The following BBX variants were observed in gnomAD, a reference collection of about 807,000 sequenced individuals.
BBX encodes BBX high mobility group box domain containing, also known as HMG box transcription factor BBX.
Under a neutral mutation model 100.2 loss-of-function variants are expected in BBX, and 30 were observed. That is an observed-to-expected ratio of 0.30 (90% CI 0.22 to 0.41). The LOEUF (loss-of-function observed/expected upper bound fraction) is 0.41, where lower values mean the gene tolerates loss of function less well. Among genes scored for constraint, BBX ranks in the 10% least tolerant of loss-of-function variants. BBX has a pLI of 1.00. For synonymous variants in BBX, 376 were observed against 388.1 expected, an observed-to-expected ratio of 0.97 and a Z score of 0.37; for missense variants, 1,023 against 1,129.8, an observed-to-expected ratio of 0.91 and a Z score of 1.35.
chr3:107,736,229 T>A (rs1391389184), intron 7 of BBX, among the ~76,000 whole-genome samples: 1 of 151,912 alleles, frequency 6.6e-6, no homozygotes, highest in Non-Finnish European at 1.5e-5. Flanking sequence ...AATAACCCCA[T>A]AATAATAAAG....
chr3:107,738,832 C>T (rs891984820), intron 7 of BBX, among the ~76,000 whole-genome samples: 1 of 152,184 alleles, frequency 6.6e-6, no homozygotes, highest in African/African-American at 2.4e-5. Flanking sequence ...TTGAGTATCT[C>T]ATTCTCTCAA....
intron 2 of BBX, among the ~76,000 whole-genome samples, chr3:107,590,529 A>G (rs1432426901): frequency 6.6e-6 from 1 of 152,178 alleles, no homozygotes; most frequent in East Asian, 1.9e-4. Context: ...GATCCTTCTC[A>G]GTCTCTGGTA....
At chr3:107,545,055 A>G (rs2049132585) in intron 2 of BBX, among the ~76,000 whole-genome samples, 1 of 152,058 alleles carries the variant, frequency 6.6e-6, no homozygotes, top group Non-Finnish European at 1.5e-5. Context: ...AGAAATTAAG[A>G]GAATACATTA....
At chr3:107,782,238 CA>C (rs1294786405) in intron 13 of BBX, among the ~76,000 whole-genome samples, 2 of 152,084 alleles carry the variant, frequency 1.3e-5, no homozygotes, top group African/African-American at 4.8e-5. Context: ...CTGATTGACT[CA>C]GAGAACTTAT....
At chr3:107,664,068 A>G (rs1233363447) in intron 3 of BBX, among the ~76,000 whole-genome samples, 4 of 152,090 alleles carry the variant, frequency 2.6e-5, no homozygotes, top group African/African-American at 9.7e-5. Flanking sequence ...GCCTCCCAAA[A>G]TGCTGGGCTT....
intron 3 of BBX, among the ~76,000 whole-genome samples, chr3:107,647,469 A>T (rs2057588441): frequency 6.6e-6 from 1 of 152,240 alleles, no homozygotes; most frequent in African/African-American, 2.4e-5. Context: ...GACTATAAGC[A>T]GAAATTGACA....
At chr3:107,564,065 CT>C (rs947930258) in intron 2 of BBX, among the ~76,000 whole-genome samples, 144 of 147,252 alleles carry the variant, frequency 9.8e-4, no homozygotes, top group African/African-American at 1.3e-3. Context: ...TATTATCAGA[CT>C]TTTTTTTTTT....
At chr3:107,533,821 C>T (rs2048319839) in intron 2 of BBX, among the ~76,000 whole-genome samples, 3 of 152,034 alleles carry the variant, frequency 2.0e-5, no homozygotes, top group South Asian at 4.1e-4. Flanking sequence ...GCTACCTGCA[C>T]ATTTTTTTTT....
chr3:107,741,033 T>C (rs1560075885), intron 7 of BBX, among the ~76,000 whole-genome samples: 1 of 150,568 alleles, frequency 6.6e-6, no homozygotes, highest in Non-Finnish European at 1.5e-5. Flanking sequence ...ATGTCATAGG[T>C]GCCTATTAAA....
chr3:107,725,642 T>A (rs2062868496), intron 5 of BBX, among the ~76,000 whole-genome samples: 1 of 152,100 alleles, frequency 6.6e-6, no homozygotes, highest in African/African-American at 2.4e-5. Flanking sequence ...AAAGGGTATT[T>A]GATGCCAATG....
intron 2 of BBX, among the ~76,000 whole-genome samples, chr3:107,604,911 G>A (rs150269826): frequency 5.3e-5 from 8 of 152,256 alleles, no homozygotes; most frequent in African/African-American, 9.6e-5. Context: ...TAGGCCCTTC[G>A]TTTGGAGCCA....
intron 3 of BBX, among the ~76,000 whole-genome samples, chr3:107,700,747 T>G (rs1247076770): frequency 6.6e-6 from 1 of 151,568 alleles, no homozygotes; most frequent in Non-Finnish European, 1.5e-5. Context: ...TTCATCCACG[T>G]CCCTACAAAG....
At chr3:107,557,995 A>G (rs924121470) in intron 2 of BBX, among the ~76,000 whole-genome samples, 3 of 152,244 alleles carry the variant, frequency 2.0e-5, no homozygotes, top group African/African-American at 7.2e-5. Flanking sequence ...AGAATCCTGA[A>G]TCAGAAACTC....
intron 2 of BBX, among the ~76,000 whole-genome samples, chr3:107,641,081 T>C (rs1463251653): frequency 8.7e-6 from 1 of 115,066 alleles, no homozygotes; most frequent in African/African-American, 3.4e-5. Flanking sequence ...GTAATTTCTT[T>C]TCTTTCTTTT....
At chr3:107,778,327 T>C in intron 12 of BBX, 44 bp from the exon 13 acceptor site, 1 of 1,602,086 alleles carries the variant, frequency 6.2e-7, no homozygotes, top group Non-Finnish European at 8.5e-7. Flanking sequence ...TTCTGTGTCA[T>C]ATTTGGTCAT....
chr3:107,557,636 CTATTTCTTGAAT>C (rs1040284392), intron 2 of BBX, among the ~76,000 whole-genome samples: 3 of 152,214 alleles, frequency 2.0e-5, no homozygotes, highest in African/African-American at 7.2e-5. Flanking sequence ...GCTTTCATTC[CTATTTCTTGAAT>C]TATTTCTTGA....
In BBX at chr3:107,772,509, GTAAAGTT is replaced by G. The variant is rs2107784959; in HGVS notation, c.907-112_907-106del. On this transcript the variant is annotated intron_variant, in intron 10 of 17. Transcript: ENST00000325805. ...GTTTGGCAGAAGTGGGCTGATTGTT[GTAAAGTT>G]TAAAGTGTGTTTTGATTATTTTTAA... The G allele has an allele frequency of 7.1e-6, 8 of 1,129,202 alleles. No homozygotes were observed. The East Asian group carries it at 8.0e-5, about 11-fold the overall frequency. The allele number at this position is 1,129,202 out of a possible 1,614,324, so 69.9% of individuals were successfully genotyped here.
At chr3:107,742,365 T>C (rs1038408571) in intron 7 of BBX, among the ~76,000 whole-genome samples, 4 of 151,896 alleles carry the variant, frequency 2.6e-5, no homozygotes, top group African/African-American at 9.7e-5. Context: ...CTGCCTCTAT[T>C]CTTTTGTGGA....
intron 2 of BBX, among the ~76,000 whole-genome samples, chr3:107,608,428 GT>G (rs1022212434): frequency 2.0e-5 from 3 of 152,006 alleles, no homozygotes; most frequent in African/African-American, 7.2e-5. Context: ...ATGTCTATGT[GT>G]TTGTTATGCC....
Sources: gnomAD v4.1 joint callset for allele counts (sites outside exome capture counted in the v4.1 genomes callset) on GRCh38, gnomAD v4.1.1 for gene constraint, MANE v1.5 for transcripts, NCBI Gene and HGNC (gene_info 2026-07-23, HGNC 2026-07-21) for gene names.